TRIM21: variants seen among roughly 807,000 people sequenced by gnomAD.
TRIM21 encodes the protein E3 ubiquitin-protein ligase TRIM21.
In TRIM21, 35 loss-of-function variants were observed where a neutral mutation model predicts 36.1. The observed-to-expected ratio is 0.97, with a 90% CI of 0.74 to 1.28. TRIM21 has a LOEUF of 1.28. Among genes scored for constraint, TRIM21 ranks in the 50% most tolerant of loss-of-function variants. TRIM21 has a pLI of 0.00. For synonymous variants in TRIM21, 256 were observed against 211.5 expected (o/e 1.21, Z -1.83); for missense variants, 635 against 570.7 (o/e 1.11, Z -1.15).
Position 4,390,040 on chromosome 11 carries a change from C to G in TRIM21, c.370G>C (p.Ala124Pro). The stretch of plus-strand genomic sequence containing the variant: ...GCAGCCTCCTCAAGAGGGACCATGG[C>G]GTGGTCACGGTGTTTCCGAGACTGG... ...CAQSRKHRDH[A>P]MVPLEEAAQE... Residue 124 changes from alanine to proline, a missense_variant, in exon 2 of 7, where the codon GCC (alanine) becomes CCC (proline). Ala to Pro is a conservative substitution (Grantham distance 27). Transcript: ENST00000254436. The G allele has an allele frequency of 6.2e-7, 1 of 1,613,988 alleles. No homozygotes were observed. The highest frequency in any genetic ancestry group is 8.5e-7 in the Non-Finnish European group (1 of 1,179,888).
At chr11:4,393,512 G>A (rs2094965686) in intron 1 of TRIM21, 121 bp downstream of exon 1, 1 of 152,610 alleles carries the variant, frequency 6.6e-6, no homozygotes. Flanking sequence ...TCCCTGGTGG[G>A]AGAAGGGGCA....
rs201583036 is a variant in TRIM21, at chr11:4,385,692, T to C, written c.1021A>G (p.Lys341Glu). The change falls in exon 7 of 7, where the codon AAA becomes GAA. Residue 341 changes from lysine to glutamate, a missense_variant. Physicochemically the swap from Lys to Glu is moderately conservative, Grantham distance 56. Coordinates refer to ENST00000254436, the MANE Select transcript of TRIM21 (RefSeq NM_003141.4). Reference sequence around the variant, plus strand: ...GTCACATCTACCTCCCAGTAATGTTTTCCAGAGTGAAAGTGCTGGGCACCC... The same window carrying C: ...GTCACATCTACCTCCCAGTAATGTTCTCCAGAGTGAAAGTGCTGGGCACCC... ...VLGAQHFHSG[K>E]HYWEVDVTGK... is the part of the protein sequence containing the mutation. 20 of 1,613,278 alleles carry C rather than the reference T, an allele frequency of 1.2e-5. No individual in the cohort carries two copies. The highest frequency in any genetic ancestry group is 8.5e-7 in the Non-Finnish European group (1 of 1,179,662).
intron 3 of TRIM21, 116 bp downstream of exon 3, chr11:4,389,538 C>CG (rs1392231303): frequency 9.1e-6 from 8 of 877,222 alleles, no homozygotes; most frequent in Non-Finnish European, 1.3e-5. Flanking sequence ...GAGAGTGAGA[C>CG]GGACCAACTC....
intron 6 of TRIM21, 113 bp downstream of exon 6, chr11:4,386,044 C>A: frequency 8.7e-7 from 1 of 1,147,874 alleles, no homozygotes; most frequent in Non-Finnish European, 1.3e-6. Context: ...ACCTCCATCT[C>A]TGTTCCCCCT....
chr11:4,390,153 C>T lies in TRIM21; in HGVS notation c.257G>A (p.Gly86Asp). 6.2e-7 allele frequency: 1 copy of T among 1,614,042 alleles called. No homozygotes were observed. The highest frequency in any genetic ancestry group is 8.5e-7 in the Non-Finnish European group (1 of 1,179,896). ...LKEISQEARE[G>D]TQGERCAVHG... ...CACTGCACACCGTTCCCCCTGTGTGCCCTCTCTGGCCTCCTGGCTGATTTC... is the reference window on the plus strand; with the variant it reads ...CACTGCACACCGTTCCCCCTGTGTGTCCTCTCTGGCCTCCTGGCTGATTTC... The change falls in exon 2 of 7, where the codon GGC (glycine) becomes GAC (aspartate). Residue 86 changes from glycine (G) to aspartate (D), a missense_variant. Physicochemically the swap from Gly to Asp is moderately conservative, Grantham distance 94. Coordinates refer to ENST00000254436, the MANE Select transcript of TRIM21 (RefSeq NM_003141.4).
chr11:4,385,237 C>A lies in TRIM21; in HGVS notation c.*48G>T. The A allele has an allele frequency of 6.5e-7, 1 of 1,539,370 alleles. No homozygotes were observed. Among genetic ancestry groups the A allele is most frequent in the Non-Finnish European group, 8.8e-7 (1 of 1,137,498 alleles). On this transcript the variant is annotated 3_prime_UTR_variant, in exon 7 of 7. Coordinates refer to ENST00000254436, the MANE Select transcript of TRIM21 (RefSeq NM_003141.4). ...TGGGGAAAAGAGGCAGGGTTTGTGG[C>A]TGAGAAGCGGTGCCAATGGGGAGAG...
chr11:4,392,770 G>C (rs1222768847), intron 1 of TRIM21, among the ~76,000 whole-genome samples: 2 of 152,092 alleles, frequency 1.3e-5, no homozygotes, highest in Non-Finnish European at 2.9e-5. Context: ...AATGAAAATT[G>C]GCAAGAACCT....
chr11:4,389,544 A>G, intron 3 of TRIM21, 110 bp downstream of exon 3: 1 of 922,840 alleles, frequency 1.1e-6, no homozygotes, highest in Middle Eastern at 2.1e-4. Context: ...GAGACGGACC[A>G]ACTCTATCAC....
At chr11:4,389,547 T>C (rs1362771044) in intron 3 of TRIM21, 107 bp downstream of exon 3, 2 of 952,226 alleles carry the variant, frequency 2.1e-6, no homozygotes, top group Non-Finnish European at 3.4e-6. Context: ...ACGGACCAAC[T>C]CTATCACTGC....
rs1231933884 is a variant in TRIM21, at chr11:4,390,346, G to A, written c.64C>T (p.Pro22Ser). ...TCGATGCTCACAGGCTCCACGAAGG[G>A]GTCCAGGCAGATAGGGCATGTGACC... is the stretch of plus-strand genomic sequence containing the variant. The part of the protein sequence containing the change: ...EEVTCPICLD[P>S]FVEPVSIECG... The change falls in exon 2 of 7, where the codon CCC becomes TCC. Residue 22 changes from proline (P) to serine (S), a missense_variant. By Grantham distance (74) the Pro-to-Ser change is moderately conservative. Transcript: ENST00000254436. 6.2e-7 allele frequency: 1 copy of A among 1,613,752 alleles called. No homozygotes were observed. The highest frequency in any genetic ancestry group is 8.5e-7 in the Non-Finnish European group (1 of 1,179,838).
chr11:4,390,797 C>T (rs1332121101), intron 1 of TRIM21, among the ~76,000 whole-genome samples: 1 of 152,128 alleles, frequency 6.6e-6, no homozygotes, highest in Non-Finnish European at 1.5e-5. Context: ...ACATTTTCAA[C>T]AAAGCTACCA....
rs2133052803 is a variant in TRIM21 at position 4,389,515 on chromosome 11, C to T, written c.504+139G>A. On this transcript the variant is annotated intron_variant, in intron 3 of 6. Transcript: ENST00000254436. ...CCCCTCTATTTGTAAACCTAGAGAGCAGCTGGCTTCTGGAGAGTGAGACGG... is the reference window on the plus strand; with the variant it reads ...CCCCTCTATTTGTAAACCTAGAGAGTAGCTGGCTTCTGGAGAGTGAGACGG... 1.3e-5 allele frequency: 9 copies of T among 719,508 alleles called. No individual in the cohort carries two copies. In the East Asian group the frequency reaches 2.3e-4, roughly 18 times the overall value. 44.6% of individuals were successfully genotyped at this position (719,508 alleles called of 1,614,324 possible).
rs376821246 is a variant in TRIM21 at position 4,386,272 on chromosome 11, G to A, written c.759-15C>T. 460 of 1,601,756 alleles carry A rather than the reference G, an allele frequency of 2.9e-4. 4 individuals carry two copies. The highest frequency in any genetic ancestry group is 2.2e-3 in the South Asian group (204 of 90,676). ...AGGACTCACTCCTGGGGGAAAGAGA[G>A]TTTGAGACTCCTGTCTCCTACTCCT... On this transcript the variant is annotated splice_polypyrimidine_tract_variant and intron_variant, in intron 5 of 6. Coordinates refer to ENST00000254436, the MANE Select transcript of TRIM21 (RefSeq NM_003141.4).
chr11:4,390,977 A>G (rs1380738445), intron 1 of TRIM21, among the ~76,000 whole-genome samples: 1 of 150,560 alleles, frequency 6.6e-6, no homozygotes, highest in Non-Finnish European at 1.5e-5. Context: ...AACTATTATA[A>G]GAAAACATTG....
At chr11:4,392,565 T>TC (rs1330443604) in intron 1 of TRIM21, among the ~76,000 whole-genome samples, 1 of 107,126 alleles carries the variant, frequency 9.3e-6, no homozygotes, top group Non-Finnish European at 2.0e-5. Flanking sequence ...AGACTCCCTC[T>TC]CAAAAACAAA....
At chr11:4,387,653 T>C (rs1243619611) in intron 4 of TRIM21, among the ~76,000 whole-genome samples, 1 of 151,992 alleles carries the variant, frequency 6.6e-6, no homozygotes, top group African/African-American at 2.4e-5. Context: ...GTTGGGAGTT[T>C]GAGACCAGCC....
Position 4,386,263 on chromosome 11 carries a change from G to T in TRIM21, c.759-6C>A, listed in dbSNP as rs753861438. On this transcript the variant is annotated splice_region_variant and splice_polypyrimidine_tract_variant and intron_variant, in intron 5 of 6. Coordinates refer to ENST00000254436, the MANE Select transcript of TRIM21 (RefSeq NM_003141.4). ...TCAGGTTCCAGGACTCACTCCTGGGGGAAAGAGAGTTTGAGACTCCTGTCT... is the reference window on the plus strand; with the variant it reads ...TCAGGTTCCAGGACTCACTCCTGGGTGAAAGAGAGTTTGAGACTCCTGTCT... 1.2e-6 allele frequency: 2 copies of T among 1,609,968 alleles called. No individual in the cohort carries two copies. Among genetic ancestry groups the T allele is most frequent in the East Asian group, 2.2e-5 (1 of 44,860 alleles).
At chr11:4,389,062 C>T (rs2094959778) in intron 3 of TRIM21, among the ~76,000 whole-genome samples, 1 of 152,186 alleles carries the variant, frequency 6.6e-6, no homozygotes, top group Admixed American at 6.5e-5. Flanking sequence ...CAACCCAACT[C>T]ACACCCTACC....
At chr11:4,386,532 T>C (rs1381885695) in intron 5 of TRIM21, among the ~76,000 whole-genome samples, 2 of 152,150 alleles carry the variant, frequency 1.3e-5, no homozygotes, top group Non-Finnish European at 2.9e-5. Flanking sequence ...CAATTTCATT[T>C]TATAGGCAAG....
Sources: gnomAD v4.1 joint callset for allele counts (sites outside exome capture counted in the v4.1 genomes callset) on GRCh38, gnomAD v4.1.1 for gene constraint, MANE v1.5 for transcripts, NCBI Gene and HGNC (gene_info 2026-07-23, HGNC 2026-07-21) for gene names.